CDK19: variants seen among roughly 807,000 people sequenced by gnomAD.
CDK19 encodes cyclin-dependent kinase 19.
Under a neutral mutation model 68.3 loss-of-function variants are expected in CDK19, and 20 were observed. That is an observed-to-expected ratio of 0.29 (90% CI 0.21 to 0.43). The LOEUF (loss-of-function observed/expected upper bound fraction) is 0.43, where lower values mean the gene tolerates loss of function less well. Among genes scored for constraint, CDK19 ranks in the 20% least tolerant of loss-of-function variants. The pLI is 1.00. For synonymous variants in CDK19, 221 were observed against 222.8 expected (o/e 0.99, Z 0.07); for missense variants, 339 against 623.5 (o/e 0.54, Z 4.86).
In CDK19 at chr6:110,673,684, ATACT is replaced by A. The variant is rs540716095; in HGVS notation, c.205-3147_205-3144del. Among the ~76,000 whole-genome samples the A allele has an allele frequency of 6.2e-4, 95 of 152,352 alleles. 2 individuals are homozygous for A. Among genetic ancestry groups the A allele is most frequent in the Non-Finnish European group, 4.4e-4 (30 of 68,026 alleles). The stretch of plus-strand genomic sequence containing the variant: ...TATTAGGACAATATCAATATTAGAA[ATACT>A]TCCTTCAGGTGAGAAGTGATTTGGT... On this transcript the variant is annotated intron_variant, in intron 2 of 12. Coordinates refer to ENST00000368911, the MANE Select transcript of CDK19 (RefSeq NM_015076.5).
intron 2 of CDK19, among the ~76,000 whole-genome samples, chr6:110,675,786 C>T (rs1357800384): frequency 6.6e-6 from 1 of 152,104 alleles, no homozygotes; most frequent in Non-Finnish European, 1.5e-5. Flanking sequence ...AAAAAGATTC[C>T]TTTCAAAAGA....
At chr6:110,784,291 T>A (rs1781045025) in intron 1 of CDK19, among the ~76,000 whole-genome samples, 1 of 149,968 alleles carries the variant, frequency 6.7e-6, no homozygotes, top group Non-Finnish European at 1.5e-5. Flanking sequence ...CTTACAACAA[T>A]AAAAATACAA....
At chr6:110,649,510 A>G (rs1419461651) in intron 4 of CDK19, among the ~76,000 whole-genome samples, 1 of 152,202 alleles carries the variant, frequency 6.6e-6, no homozygotes, top group Admixed American at 6.5e-5. Context: ...AAAGACTGAT[A>G]AATTTGGCTG....
At chr6:110,665,092 A>T (rs1200277644) in intron 4 of CDK19, among the ~76,000 whole-genome samples, 1 of 152,252 alleles carries the variant, frequency 6.6e-6, no homozygotes, top group Non-Finnish European at 1.5e-5. Flanking sequence ...GTAGAGTTTT[A>T]GTCTGTAAGC....
At chr6:110,750,796 T>C (rs1445305698) in intron 1 of CDK19, among the ~76,000 whole-genome samples, 1 of 152,114 alleles carries the variant, frequency 6.6e-6, no homozygotes, top group Non-Finnish European at 1.5e-5. Flanking sequence ...AGGAAAGAAC[T>C]GGAGGGAGGG....
At chr6:110,763,164 T>C (rs1450137482) in intron 1 of CDK19, among the ~76,000 whole-genome samples, 1 of 152,120 alleles carries the variant, frequency 6.6e-6, no homozygotes, top group African/African-American at 2.4e-5. Flanking sequence ...CTGAATCCCA[T>C]AATTTAAAAA....
chr6:110,632,428 A>G (rs1779495758), intron 5 of CDK19, among the ~76,000 whole-genome samples: 1 of 152,170 alleles, frequency 6.6e-6, no homozygotes, highest in Non-Finnish European at 1.5e-5. Context: ...TGATGAAGGA[A>G]TTGAAGCTTA....
chr6:110,688,222 C>T (rs1772659652), intron 2 of CDK19, among the ~76,000 whole-genome samples: 1 of 151,908 alleles, frequency 6.6e-6, no homozygotes, highest in African/African-American at 2.4e-5. Flanking sequence ...CTCATCTCTA[C>T]TAAAAATAAA....
At chr6:110,728,287 C>CAAAA (rs951995109) in intron 2 of CDK19, among the ~76,000 whole-genome samples, 1 of 87,222 alleles carries the variant, frequency 1.1e-5, no homozygotes. Flanking sequence ...GACTCCATCT[C>CAAAA]AAAAAAAAAA....
intron 4 of CDK19, among the ~76,000 whole-genome samples, chr6:110,644,848 T>C (rs1249183917): frequency 1.3e-5 from 2 of 152,040 alleles, no homozygotes. Flanking sequence ...CTACTATGTG[T>C]CTGTAAAAAT....
chr6:110,786,696 T>C (rs1472477628), intron 1 of CDK19, among the ~76,000 whole-genome samples: 1 of 148,664 alleles, frequency 6.7e-6, no homozygotes, highest in Non-Finnish European at 1.5e-5. Flanking sequence ...ACCTTTAGTG[T>C]TGAACTCATT....
At chr6:110,814,968 G>A in intron 1 of CDK19, 41 bp downstream of exon 1, 1 of 1,596,778 alleles carries the variant, frequency 6.3e-7, no homozygotes, top group Non-Finnish European at 8.5e-7. Flanking sequence ...CGGGCAGGGC[G>A]AGGACCCGAG....
intron 5 of CDK19, among the ~76,000 whole-genome samples, chr6:110,635,592 T>C (rs915614012): frequency 6.6e-6 from 1 of 152,004 alleles, no homozygotes; most frequent in African/African-American, 2.4e-5. Flanking sequence ...CAGGCTGGAG[T>C]GCAGTGGCAT....
intron 1 of CDK19, among the ~76,000 whole-genome samples, chr6:110,778,470 C>T (rs1263668997): frequency 6.6e-6 from 1 of 152,016 alleles, no homozygotes; most frequent in Admixed American, 6.6e-5. Context: ...TCAAAATAAC[C>T]ACTGGAGTCC....
At chr6:110,764,839 T>C (rs1448995181) in intron 1 of CDK19, among the ~76,000 whole-genome samples, 1 of 151,936 alleles carries the variant, frequency 6.6e-6, no homozygotes, top group East Asian at 1.9e-4. Flanking sequence ...TAACCCCAGC[T>C]ACTCAGGAGG....
rs1346344152 is a variant in CDK19, at chr6:110,648,949, C to T, written c.457-10243G>A. 1.3e-5 allele frequency among the ~76,000 whole-genome samples: 2 copies of T among 152,072 alleles called. 1 individual carries two copies. The highest frequency in any genetic ancestry group is 2.9e-5 in the Non-Finnish European group (2 of 68,010). On this transcript the variant is annotated intron_variant, in intron 4 of 12. Transcript: ENST00000368911. Reference sequence around the variant, plus strand: ...GGTCAGGCTGGTCTCGAACTCCTGACCTCGTGATCCGCTCGGCCTCCCAAA... The same window carrying T: ...GGTCAGGCTGGTCTCGAACTCCTGATCTCGTGATCCGCTCGGCCTCCCAAA...
At position 110,708,729 on chromosome 6, in the gene CDK19, C is replaced by T. The variant is rs1774713441; in HGVS notation, c.204+37397G>A. ...TTTTGCAAGGGTGATGTAAATTCTTCTGCATTCTATCATTTGGGTGTTTCA... is the reference window on the plus strand; with the variant it reads ...TTTTGCAAGGGTGATGTAAATTCTTTTGCATTCTATCATTTGGGTGTTTCA... On this transcript the variant is annotated intron_variant, in intron 2 of 12. Coordinates refer to ENST00000368911, the MANE Select transcript of CDK19 (RefSeq NM_015076.5). 2.0e-5 allele frequency among the ~76,000 whole-genome samples: 3 copies of T among 152,112 alleles called. No individual in the cohort carries two copies. In the South Asian group the frequency reaches 6.2e-4, roughly 31 times the overall value.
intron 6 of CDK19, 99 bp from the exon 7 acceptor site, chr6:110,627,244 A>C: frequency 1.2e-6 from 1 of 806,590 alleles, no homozygotes; most frequent in Non-Finnish European, 1.9e-6. Flanking sequence ...CAGTAAATCA[A>C]TATACAAAGT....
Position 110,612,188 on chromosome 6 carries a change from T to C in CDK19, c.*2347A>G, listed in dbSNP as rs1195886535. The C allele has an allele frequency of 6.6e-6, 1 of 152,210 alleles. No homozygotes were observed. Among genetic ancestry groups the C allele is most frequent in the Admixed American group, 6.5e-5 (1 of 15,276 alleles). 9.4% of individuals were successfully genotyped at this position (152,210 alleles called of 1,614,324 possible). A position where few individuals can be genotyped will look rare whatever the true frequency, so the allele number is the denominator to read the frequency against. The stretch of plus-strand genomic sequence containing the variant: ...CTTCTTTTATTAAAGGTAACCTCCT[T>C]GAGAGCAAGAACAGACCTTCTATTT... On this transcript the variant is annotated 3_prime_UTR_variant, in exon 13 of 13. Transcript: ENST00000368911.
Sources: allele counts gnomAD v4.1 joint callset (sites outside exome capture counted in the v4.1 genomes callset), GRCh38; gene constraint gnomAD v4.1.1; transcripts MANE v1.5; gene names NCBI Gene and HGNC (gene_info 2026-07-23, HGNC 2026-07-21).